Variants in NDUFAF2 observed in about 807,000 individuals in gnomAD.
NDUFAF2 encodes NADH dehydrogenase [ubiquinone] 1 alpha subcomplex assembly factor 2.
Under a neutral mutation model 22.8 loss-of-function variants are expected in NDUFAF2, and 13 were observed. The ratio of observed to expected loss-of-function variants is 0.57; its 90% CI spans 0.37 to 0.91. NDUFAF2 has a LOEUF of 0.91. Among genes scored for constraint, NDUFAF2 ranks in the 40% least tolerant of loss-of-function variants. The pLI, the probability that NDUFAF2 is intolerant of heterozygous loss-of-function variation, is 0.01. For missense variants in NDUFAF2, 162 were observed against 195.2 expected, an observed-to-expected ratio of 0.83 and a Z score of 1.01; for synonymous variants, 53 against 64.2, an observed-to-expected ratio of 0.83 and a Z score of 0.84.
At chr5:60,998,817 T>G (rs1328100765) in intron 1 of NDUFAF2, among the ~76,000 whole-genome samples, 2 of 56,618 alleles carry the variant, frequency 3.5e-5, no homozygotes, top group African/African-American at 9.2e-5. Flanking sequence ...TTTAAATTTA[T>G]TTTTTGGCTA....
intron 3 of NDUFAF2, chr5:61,115,324 G>C (rs1308734113): frequency 6.6e-6 from 1 of 152,314 alleles, no homozygotes; most frequent in Non-Finnish European, 1.5e-5. Flanking sequence ...GCTTTCTTCT[G>C]GCCCAGGGCA....
At chr5:61,116,087 C>T (rs1752908794) in intron 3 of NDUFAF2, 1 of 152,132 alleles carries the variant, frequency 6.6e-6, no homozygotes, top group Admixed American at 6.6e-5. Flanking sequence ...CAAATGAAGA[C>T]AAACAGGCCT....
At chr5:61,065,841 C>G (rs1434861215) in intron 1 of NDUFAF2, among the ~76,000 whole-genome samples, 1 of 151,710 alleles carries the variant, frequency 6.6e-6, no homozygotes, top group African/African-American at 2.4e-5. Context: ...GAAGTACTAG[C>G]AAGATCAATC....
intron 3 of NDUFAF2, among the ~76,000 whole-genome samples, chr5:61,128,295 CTACTT>C (rs1487656350): frequency 2.0e-5 from 3 of 151,692 alleles, no homozygotes; most frequent in Non-Finnish European, 4.4e-5. Flanking sequence ...TGGAAAAAAA[CTACTT>C]TAAAGTTCAT....
At chr5:60,945,830 G>A (rs978816733) in intron 1 of NDUFAF2, among the ~76,000 whole-genome samples, 1 of 152,228 alleles carries the variant, frequency 6.6e-6, no homozygotes, top group African/African-American at 2.4e-5. Context: ...CCAGAGCTGA[G>A]TGGTGTAATT....
At chr5:60,953,830 G>A (rs1476429383) in intron 1 of NDUFAF2, among the ~76,000 whole-genome samples, 1 of 152,098 alleles carries the variant, frequency 6.6e-6, no homozygotes, top group Non-Finnish European at 1.5e-5. Flanking sequence ...TAAAATGCAT[G>A]ATTACATTGA....
At chr5:60,953,917 A>T (rs755944542) in intron 1 of NDUFAF2, among the ~76,000 whole-genome samples, 2 of 152,210 alleles carry the variant, frequency 1.3e-5, no homozygotes, top group Admixed American at 6.5e-5. Flanking sequence ...ATAGTCACAC[A>T]TACTTTGTAT....
chr5:61,040,278 A>ACGCGCGCGCGCG (rs1469467028), intron 1 of NDUFAF2, among the ~76,000 whole-genome samples: 5 of 128,862 alleles, frequency 3.9e-5, no homozygotes, highest in Admixed American at 3.7e-4. Flanking sequence ...ACACACACAC[A>ACGCGCGCGCGCG]CACACACACG....
intron 1 of NDUFAF2, among the ~76,000 whole-genome samples, chr5:60,971,288 T>TTC (rs1554077790): frequency 1.3e-5 from 2 of 149,292 alleles, no homozygotes; most frequent in Non-Finnish European, 1.5e-5. Flanking sequence ...CTTTCTTTCT[T>TTC]TTTTTTTTTT....
In NDUFAF2 at chr5:61,098,391, C is replaced by T. The variant is rs796659149; in HGVS notation, c.218-601C>T. Among the ~76,000 whole-genome samples, 24 of 152,318 alleles carry T rather than the reference C, an allele frequency of 1.6e-4. No individual in the cohort carries two copies. The East Asian group carries it at 3.9e-3, about 25-fold the overall frequency. On this transcript the variant is annotated intron_variant, in intron 2 of 3. Coordinates refer to ENST00000296597, the MANE Select transcript of NDUFAF2 (RefSeq NM_174889.5). ...TCCCTAAAGGCAGCTGCCCCACTCC[C>T]TTCCCATTGCTGCAAAGCATCCAGC...
chr5:60,978,905 C>T (rs1750938419), intron 1 of NDUFAF2, among the ~76,000 whole-genome samples: 1 of 152,186 alleles, frequency 6.6e-6, no homozygotes. Flanking sequence ...AAACCTCTTT[C>T]TCCCTGCTTG....
intron 3 of NDUFAF2, among the ~76,000 whole-genome samples, chr5:61,112,331 A>G (rs1434804686): frequency 1.3e-5 from 2 of 149,742 alleles, no homozygotes; most frequent in Admixed American, 1.3e-4. Context: ...CTCCTGCCTC[A>G]GCCTCTCGAG....
intron 1 of NDUFAF2, among the ~76,000 whole-genome samples, chr5:61,040,276 A>ACGCGCGCG (rs1330723728): frequency 8.3e-6 from 1 of 120,704 alleles, no homozygotes; most frequent in African/African-American, 3.9e-5. Flanking sequence ...ACACACACAC[A>ACGCGCGCG]CACACACACA....
intron 3 of NDUFAF2, among the ~76,000 whole-genome samples, chr5:61,151,159 A>G (rs1579856369): frequency 6.6e-6 from 1 of 152,328 alleles, no homozygotes; most frequent in East Asian, 1.9e-4. Flanking sequence ...AGTACAAACT[A>G]TTATTTTAAA....
chr5:61,147,052 G>A (rs1284710121), intron 3 of NDUFAF2, among the ~76,000 whole-genome samples: 1 of 151,914 alleles, frequency 6.6e-6, no homozygotes, highest in Non-Finnish European at 1.5e-5. Flanking sequence ...GTCCTTGTCT[G>A]TTGATTTCAT....
chr5:61,093,817 G>T (rs1431265674), intron 2 of NDUFAF2, among the ~76,000 whole-genome samples: 1 of 152,086 alleles, frequency 6.6e-6, no homozygotes, highest in Admixed American at 6.6e-5. Flanking sequence ...TAATTTTTTG[G>T]AATAGTTTTA....
At chr5:61,008,603 A>G (rs1043356877) in intron 1 of NDUFAF2, among the ~76,000 whole-genome samples, 3 of 152,106 alleles carry the variant, frequency 2.0e-5, no homozygotes, top group African/African-American at 7.2e-5. Context: ...ATCTTGATGC[A>G]TTGTGAGTAG....
At chr5:60,957,470 A>G (rs968399151) in intron 1 of NDUFAF2, among the ~76,000 whole-genome samples, 1 of 150,852 alleles carries the variant, frequency 6.6e-6, no homozygotes, top group African/African-American at 2.4e-5. Context: ...TAATGTTATA[A>G]TGTTCTTGTT....
chr5:61,135,017 T>C (rs997641508), intron 3 of NDUFAF2, among the ~76,000 whole-genome samples: 5 of 151,790 alleles, frequency 3.3e-5, no homozygotes, highest in African/African-American at 1.2e-4. Flanking sequence ...ACACACATAT[T>C]TAAAATAAAT....
Sources: allele counts gnomAD v4.1 joint callset (sites outside exome capture counted in the v4.1 genomes callset), GRCh38; gene constraint gnomAD v4.1.1; transcripts MANE v1.5; gene names NCBI Gene and HGNC (gene_info 2026-07-23, HGNC 2026-07-21).